Variants in NFE2L3 observed in about 807,000 individuals in gnomAD.
NFE2L3 encodes nuclear factor erythroid 2-related factor 3.
Under a neutral mutation model 23.5 loss-of-function variants are expected in NFE2L3, and 18 were observed. The observed-to-expected ratio is 0.77, with a 90% confidence interval of 0.53 to 1.13. NFE2L3 has a LOEUF of 1.13. Among genes scored for constraint, NFE2L3 ranks in the 50% most tolerant of loss-of-function variants. The probability of loss-of-function intolerance (pLI) is 0.00; values close to 1 mark genes in which losing one functional copy is unlikely to be tolerated. For missense variants in NFE2L3, 1,152 were observed against 877.2 expected, an observed-to-expected ratio of 1.31 and a Z score of -3.96; for synonymous variants, 424 against 354.5, an observed-to-expected ratio of 1.20 and a Z score of -2.20.
intron 1 of NFE2L3, among the ~76,000 whole-genome samples, chr7:26,156,727 G>A (rs1583925149): frequency 6.6e-6 from 1 of 152,220 alleles, no homozygotes; most frequent in African/African-American, 2.4e-5. Context: ...GAGAGGGCTT[G>A]TAGTCATTTT....
chr7:26,185,442 A>G lies in NFE2L3; in HGVS notation c.1744A>G (p.Ile582Val). 6.2e-7 allele frequency: 1 copy of G among 1,614,150 alleles called. No homozygotes were observed. The highest frequency in any genetic ancestry group is 8.5e-7 in the Non-Finnish European group (1 of 1,179,960). Residue 582 changes from isoleucine (I) to valine (V), a missense_variant, in exon 4 of 4, where the codon ATC becomes GTC. Coordinates refer to ENST00000056233, the MANE Select transcript of NFE2L3 (RefSeq NM_004289.7). ...TDLQVSLIRDIRRRGKNKVAA... is the reference protein window; with the variant it reads ...TDLQVSLIRDVRRRGKNKVAA... ...CCTACAAGTCTCACTTATCCGTGAC[A>G]TCAGACGAAGAGGGAAAAATAAAGT... is the stretch of plus-strand genomic sequence containing the variant.
rs1279391280 is a variant in NFE2L3 at position 26,152,862 on chromosome 7, G to C, written c.364G>C (p.Asp122His). The C allele has an allele frequency of 2.2e-5, 33 of 1,471,938 alleles. No homozygotes were observed. The highest frequency in any genetic ancestry group is 2.9e-5 in the Non-Finnish European group (33 of 1,119,562). 91.2% of individuals were successfully genotyped at this position (1,471,938 alleles called of 1,614,324 possible). The change falls in exon 1 of 4, where the codon GAC becomes CAC. Residue 122 changes from aspartate to histidine, a missense_variant. Asp to His is a moderately conservative substitution (Grantham distance 81, BLOSUM62 -1). Coordinates refer to ENST00000056233, the MANE Select transcript of NFE2L3 (RefSeq NM_004289.7). The surrounding 1 kb of genome is among the most constrained non-coding windows in gnomAD (Gnocchi z 4.4). ...LVHSVAAGSA[D>H]EAHGLLGAAA... ...GCACAGCGTGGCTGCCGGGAGCGCG[G>C]ACGAGGCCCACGGGCTGCTCGGCGC...
In NFE2L3 at chr7:26,183,503, G is replaced by C. The variant is rs1782385201; in HGVS notation, c.751-198G>C. On this transcript the variant is annotated intron_variant, in intron 2 of 3. Transcript: ENST00000056233. ...GCAGAGGGTGTAGTGAGCCGAGATT[G>C]CACCACTGCACTCCATTCTGGGCCA... Among the ~76,000 whole-genome samples the C allele has an allele frequency of 2.1e-5, 3 of 143,858 alleles. No homozygotes were observed. The South Asian group carries it at 6.4e-4, about 31-fold the overall frequency. 94.4% of individuals were successfully genotyped at this position (143,858 alleles called of 152,430 possible).
At chr7:26,158,054 G>A (rs1258948355) in intron 1 of NFE2L3, among the ~76,000 whole-genome samples, 1 of 118,600 alleles carries the variant, frequency 8.4e-6, no homozygotes, top group Non-Finnish European at 1.8e-5. Flanking sequence ...GTTTTGTTTT[G>A]TTTTTTATTT....
chr7:26,179,009 CTGGCCATGTAATATTACA>C (rs1784462182), intron 2 of NFE2L3, among the ~76,000 whole-genome samples: 1 of 152,120 alleles, frequency 6.6e-6, no homozygotes, highest in African/African-American at 2.4e-5. Flanking sequence ...CATGGTAGCC[CTGGCCATGTAATATTACA>C]TGGAACATTA....
chr7:26,160,095 A>G (rs1284375739), intron 1 of NFE2L3, among the ~76,000 whole-genome samples: 1 of 151,924 alleles, frequency 6.6e-6, no homozygotes, highest in African/African-American at 2.4e-5. Context: ...CTGGGATCAC[A>G]AGCATGCACC....
intron 1 of NFE2L3, among the ~76,000 whole-genome samples, chr7:26,176,999 C>T (rs1439049903): frequency 3.3e-5 from 1 of 30,162 alleles, no homozygotes; most frequent in Non-Finnish European, 5.1e-5. Flanking sequence ...ACATCCCAGA[C>T]GGGGTGGCCG....
chr7:26,176,530 C>G, intron 1 of NFE2L3, among the ~76,000 whole-genome samples: 1 of 128,186 alleles, frequency 7.8e-6, no homozygotes, highest in South Asian at 3.2e-4. Context: ...CAGAGGCGCT[C>G]CTCACATCCC....
At chr7:26,168,931 A>G (rs1297642402) in intron 1 of NFE2L3, among the ~76,000 whole-genome samples, 1 of 152,184 alleles carries the variant, frequency 6.6e-6, no homozygotes, top group Admixed American at 6.5e-5. Flanking sequence ...CTGAGGGTCA[A>G]AGAGGTTTAG....
chr7:26,176,912 A>C (rs1357752155), intron 1 of NFE2L3, among the ~76,000 whole-genome samples: 3 of 112,776 alleles, frequency 2.7e-5, no homozygotes, highest in Non-Finnish European at 1.9e-5. Flanking sequence ...CGCTCCTCAC[A>C]TCCCAGACGA....
intron 3 of NFE2L3, 28 bp downstream of exon 3, chr7:26,183,812 G>A (rs758863522): frequency 6.2e-6 from 9 of 1,451,158 alleles, no homozygotes; most frequent in South Asian, 2.3e-5. Flanking sequence ...TTTTATCCTC[G>A]CAGGAACATA....
chr7:26,164,250 T>A (rs1784214518), intron 1 of NFE2L3, among the ~76,000 whole-genome samples: 1 of 152,230 alleles, frequency 6.6e-6, no homozygotes, highest in South Asian at 2.1e-4. Flanking sequence ...CCACAATGGT[T>A]GAACTAGTTT....
At chr7:26,178,183 T>C in intron 2 of NFE2L3, 61 bp downstream of exon 2, 2 of 1,448,742 alleles carry the variant, frequency 1.4e-6, no homozygotes, top group Non-Finnish European at 1.9e-6. Context: ...TTTGTGGCAT[T>C]GACAGTTTGT....
At chr7:26,175,513 C>G (rs1021519692) in intron 1 of NFE2L3, among the ~76,000 whole-genome samples, 16 of 152,092 alleles carry the variant, frequency 1.1e-4, no homozygotes, top group Admixed American at 3.9e-4. Context: ...TGCGGTGGCT[C>G]ACGCCTGTAA....
In NFE2L3 at chr7:26,178,121, A is replaced by G; in HGVS notation, c.749A>G (p.Glu250Gly). The G allele has an allele frequency of 1.2e-6, 2 of 1,610,134 alleles. No homozygotes were observed. The highest frequency in any genetic ancestry group is 1.7e-6 in the Non-Finnish European group (2 of 1,178,482). Reference sequence around the variant, plus strand: ...GAAAAGACCACTGAATCTAGAAATGAGGTAAGCCTGTCAGAATATTCAAGC... The same window carrying G: ...GAAAAGACCACTGAATCTAGAAATGGGGTAAGCCTGTCAGAATATTCAAGC... ...EAEKTTESRN[E>G]RHLNGTDTSF... The change falls in exon 2 of 4, where the codon GAG (glutamate) becomes GGG (glycine). Residue 250 changes from glutamate to glycine, a missense_variant and splice_region_variant. Transcript: ENST00000056233.
intron 1 of NFE2L3, among the ~76,000 whole-genome samples, chr7:26,169,467 C>G (rs144300796): frequency 6.6e-6 from 1 of 152,132 alleles, no homozygotes; most frequent in East Asian, 1.9e-4. Context: ...GATGTGGGCA[C>G]ACTGGGATGG....
At chr7:26,183,379 C>G (rs112244242) in intron 2 of NFE2L3, among the ~76,000 whole-genome samples, 4,593 of 151,298 alleles carry the variant, frequency 0.03, 80 homozygotes, top group Middle Eastern at 0.054. Flanking sequence ...GAAACCCTGT[C>G]TCTACTAAAA....
In NFE2L3 at chr7:26,182,346, G is replaced by A. The variant is rs559510278; in HGVS notation, c.751-1355G>A. On this transcript the variant is annotated intron_variant, in intron 2 of 3. Coordinates refer to ENST00000056233, the MANE Select transcript of NFE2L3 (RefSeq NM_004289.7). ...AAGGCAAAATAATTCCATGTAGGCC[G>A]GGCATGGTGTCTCATGCCTGTAATC... Among the ~76,000 whole-genome samples, 112 of 149,762 alleles carry A rather than the reference G, an allele frequency of 7.5e-4. 1 individual carries two copies. In the Middle Eastern group the frequency reaches 0.027, roughly 36 times the overall value.
intron 1 of NFE2L3, among the ~76,000 whole-genome samples, chr7:26,160,748 G>A (rs1011578841): frequency 6.6e-6 from 1 of 152,216 alleles, no homozygotes; most frequent in Admixed American, 6.5e-5. Context: ...CTAACCACAT[G>A]TACAGAATAC....
Sources: allele counts gnomAD v4.1 joint callset (sites outside exome capture counted in the v4.1 genomes callset), GRCh38; gene constraint gnomAD v4.1.1; non-coding constraint Gnocchi (gnomAD v3.1); transcripts MANE v1.5; gene names NCBI Gene and HGNC (gene_info 2026-07-23, HGNC 2026-07-21).